Variants in ABCB11 observed in about 807,000 individuals in gnomAD.
The protein encoded by ABCB11 is bile salt export pump.
Under a neutral mutation model 148.0 loss-of-function variants are expected in ABCB11, and 95 were observed. That is an observed-to-expected ratio of 0.64 (90% CI 0.54 to 0.76). The LOEUF (loss-of-function observed/expected upper bound fraction) is 0.76. Among genes scored for constraint, ABCB11 ranks in the 30% least tolerant of loss-of-function variants. ABCB11 has a pLI of 0.00. For synonymous variants in ABCB11, 591 were observed against 555.4 expected, an observed-to-expected ratio of 1.06 and a Z score of -0.90; for missense variants, 1,523 against 1,617.8, an observed-to-expected ratio of 0.94 and a Z score of 1.01.
intron 13 of ABCB11, 149 bp downstream of exon 13, chr2:168,973,566 C>A (rs1040744866): frequency 4.3e-6 from 4 of 938,180 alleles, no homozygotes; most frequent in Non-Finnish European, 6.2e-6. Flanking sequence ...ATGTAGGAAG[C>A]GTGTCCCATC....
chr2:169,020,149 C>T (rs1044324443), intron 1 of ABCB11, among the ~76,000 whole-genome samples: 1 of 151,940 alleles, frequency 6.6e-6, no homozygotes, highest in African/African-American at 2.4e-5. Flanking sequence ...ATAAGGTGTT[C>T]GATATGCAGA....
At chr2:168,952,677 G>GT (rs779394916) in intron 19 of ABCB11, among the ~76,000 whole-genome samples, 1,520 of 93,422 alleles carry the variant, frequency 0.016, 25 homozygotes, top group East Asian at 0.083. Context: ...TTGCTCCTTT[G>GT]TTTTTTTTTT....
intron 5 of ABCB11, among the ~76,000 whole-genome samples, chr2:169,005,577 AT>A (rs1558922487): frequency 6.6e-6 from 1 of 152,078 alleles, no homozygotes; most frequent in Admixed American, 6.5e-5. Context: ...CACTGAATCT[AT>A]TTCCAGGCAG....
intron 3 of ABCB11, among the ~76,000 whole-genome samples, chr2:169,015,404 T>A (rs1256876822): frequency 6.6e-6 from 1 of 152,072 alleles, no homozygotes; most frequent in Admixed American, 6.6e-5. Flanking sequence ...TTTCTGAGAC[T>A]CCCCACGGTC....
chr2:168,952,780 T>C (rs1692628245), intron 19 of ABCB11, among the ~76,000 whole-genome samples: 1 of 151,258 alleles, frequency 6.6e-6, no homozygotes. Context: ...TTTTCTAGTT[T>C]CTTGAAGTGC....
At chr2:168,942,801 G>C (rs955611577) in intron 21 of ABCB11, among the ~76,000 whole-genome samples, 2 of 151,690 alleles carry the variant, frequency 1.3e-5, no homozygotes, top group African/African-American at 4.8e-5. Flanking sequence ...GTTTTAAATA[G>C]AATAAGTCAA....
chr2:168,924,634 G>A, intron 27 of ABCB11, 23 bp downstream of exon 27: 3 of 1,612,364 alleles, frequency 1.9e-6, no homozygotes, highest in Non-Finnish European at 2.5e-6. Flanking sequence ...AATGATCTAA[G>A]ACTTTAGAAA....
At chr2:168,958,164 T>C (rs1692885417) in intron 18 of ABCB11, 36 bp from the exon 19 acceptor site, 3 of 1,590,784 alleles carry the variant, frequency 1.9e-6, no homozygotes, top group Non-Finnish European at 2.6e-6. Flanking sequence ...ATCATCTAAA[T>C]GTACTCAAGA....
intron 12 of ABCB11, among the ~76,000 whole-genome samples, chr2:168,975,876 T>A (rs1693881756): frequency 8.7e-6 from 1 of 114,666 alleles, no homozygotes; most frequent in African/African-American, 3.2e-5. Flanking sequence ...GATTTAGTTC[T>A]GTGCAGATAA....
chr2:168,979,979 T>C lies in ABCB11; in HGVS notation c.1084A>G (p.Ile362Val), dbSNP rs770495662. ...GEYTPGTLVQ[I>V]FLSVIVGALN... ...GCTCCTACTATGACACTGAGGAAAA[T>C]CTGAAATGAAAAGAGAGAGATTTTT... The change falls in exon 11 of 28, where the codon ATT (isoleucine) becomes GTT (valine). Residue 362 changes from isoleucine to valine, a missense_variant and splice_region_variant. Transcript: ENST00000650372. The C allele has an allele frequency of 2.5e-6, 4 of 1,579,992 alleles. No individual in the cohort carries two copies. Among genetic ancestry groups the C allele is most frequent in the South Asian group, 2.2e-5 (2 of 90,310 alleles).
At position 168,923,838 on chromosome 2, in the gene ABCB11, G is replaced by A. The variant is rs1293585920; in HGVS notation, c.3766-16C>T. ...CCTGCACCGTCTGCAAAGAGAAGAT[G>A]GAAAGTTGATGCAAAGATGCATGAT... On this transcript the variant is annotated splice_polypyrimidine_tract_variant and intron_variant, in intron 27 of 27. Coordinates refer to ENST00000650372, the MANE Select transcript of ABCB11 (RefSeq NM_003742.4). 1.2e-6 allele frequency: 2 copies of A among 1,613,194 alleles called. No individual in the cohort carries two copies. The highest frequency in any genetic ancestry group is 1.3e-5 in the African/African-American group (1 of 75,018).
Position 168,932,876 on chromosome 2 carries a change from G to A in ABCB11, c.3057-343C>T, listed in dbSNP as rs542443148. The stretch of plus-strand genomic sequence containing the variant: ...TGTAATCCCAGCACCTTGGGAGGCC[G>A]AGGCGGGCGGATCACGAGGTCAGAA... On this transcript the variant is annotated intron_variant, in intron 23 of 27. Transcript: ENST00000650372. 2.3e-3 allele frequency among the ~76,000 whole-genome samples: 343 copies of A among 152,170 alleles called. 1 individual carries two copies. The highest frequency in any genetic ancestry group is 6.8e-3 in the Middle Eastern group (2 of 294).
At chr2:168,941,562 A>G (rs959655183) in intron 21 of ABCB11, among the ~76,000 whole-genome samples, 2 of 152,126 alleles carry the variant, frequency 1.3e-5, no homozygotes, top group African/African-American at 4.8e-5. Flanking sequence ...CTTCTTATGG[A>G]TAAGCAAACT....
chr2:168,990,014 T>A (rs186104583), intron 9 of ABCB11, among the ~76,000 whole-genome samples: 1 of 152,292 alleles, frequency 6.6e-6, no homozygotes, highest in Admixed American at 6.5e-5. Flanking sequence ...GGTTTACTAG[T>A]ATTTTTGTTG....
chr2:168,960,001 G>A (rs980120830), intron 18 of ABCB11, among the ~76,000 whole-genome samples: 2 of 147,664 alleles, frequency 1.4e-5, no homozygotes, highest in African/African-American at 2.5e-5. Flanking sequence ...CATGTATTCT[G>A]CCAGCATCAT....
intron 21 of ABCB11, among the ~76,000 whole-genome samples, chr2:168,938,784 G>C (rs891132292): frequency 6.6e-6 from 1 of 151,922 alleles, no homozygotes; most frequent in Non-Finnish European, 1.5e-5. Flanking sequence ...GCAGCTCTTT[G>C]GGATGTCGTT....
chr2:168,993,267 T>C (rs934288132), intron 8 of ABCB11, among the ~76,000 whole-genome samples: 2 of 152,032 alleles, frequency 1.3e-5, no homozygotes, highest in African/African-American at 4.8e-5. Flanking sequence ...TGGAGAACAA[T>C]AGGCATATTG....
chr2:168,963,261 A>G (rs543795803), intron 18 of ABCB11, among the ~76,000 whole-genome samples: 39 of 151,886 alleles, frequency 2.6e-4, no homozygotes, highest in Admixed American at 1.1e-3. Flanking sequence ...CTGATGCCTT[A>G]CTAAGTGCAA....
intron 25 of ABCB11, among the ~76,000 whole-genome samples, chr2:168,927,718 C>G (rs1265380751): frequency 6.6e-6 from 1 of 152,126 alleles, no homozygotes; most frequent in African/African-American, 2.4e-5. Context: ...TTTTGAGACT[C>G]ATGAGTTATG....
Sources: gnomAD v4.1 joint callset for allele counts (sites outside exome capture counted in the v4.1 genomes callset) on GRCh38, gnomAD v4.1.1 for gene constraint, MANE v1.5 for transcripts, NCBI Gene and HGNC (gene_info 2026-07-23, HGNC 2026-07-21) for gene names.